The following AP3B2 variants were observed in gnomAD, a reference collection of about 807,000 sequenced individuals.
AP3B2 encodes adaptor related protein complex 3 subunit beta 2.
AP3B2 carries 50 observed loss-of-function variants against 126.9 expected under a neutral mutation model. That is an observed-to-expected ratio of 0.39 (90% confidence interval 0.31 to 0.50). The LOEUF (loss-of-function observed/expected upper bound fraction) is 0.50, where lower values mean the gene tolerates loss of function less well. AP3B2 is among the 20% of genes least tolerant of loss of function. The pLI is 0.79. For missense variants in AP3B2, 1,177 were observed against 1,426.4 expected, an observed-to-expected ratio of 0.83 and a Z score of 2.82; for synonymous variants, 541 against 565.0, an observed-to-expected ratio of 0.96 and a Z score of 0.60.
Position 82,680,867 on chromosome 15 carries a change from G to A in AP3B2, c.741C>T (p.Ala247=). The A allele has an allele frequency of 6.2e-7, 1 of 1,613,818 alleles. No individual in the cohort carries two copies. Among genetic ancestry groups the A allele is most frequent in the Non-Finnish European group, 8.5e-7 (1 of 1,179,806 alleles). Residue 247 remains alanine (A), a synonymous_variant, in exon 7 of 27, where the codon GCC becomes GCT. Transcript: ENST00000535359. This position sits in a 1 kb window ranked among gnomAD's most constrained non-coding sequence, Gnocchi z 6.1. Reference sequence around the variant, plus strand: ...GGGTGGGGCTCAGGAACTGCGTGCGGGCGTAGCGGGTGAGCATGCTGATGA... The same window carrying A: ...GGGTGGGGCTCAGGAACTGCGTGCGAGCGTAGCGGGTGAGCATGCTGATGA... ...VVIISMLTRY[A]RTQFLSPTQN...
At position 82,680,495 on chromosome 15, in the gene AP3B2, C is replaced by T. The variant is rs538786696; in HGVS notation, c.1032G>A (p.Leu344=). The T allele has an allele frequency of 2.6e-5, 39 of 1,520,590 alleles. No homozygotes were observed. Among genetic ancestry groups the T allele is most frequent in the South Asian group, 1.1e-4 (9 of 82,822 alleles). 94.2% of individuals were successfully genotyped at this position (1,520,590 alleles called of 1,614,324 possible). A position where few individuals can be genotyped will look rare whatever the true frequency, so the allele number is the denominator to read the frequency against. Reference sequence around the variant, plus strand: ...ACCTGTGGCTGCGCAGCAGGCGCACCAGCGCCTTGGCGATGACGCCCACTT... The same window carrying T: ...ACCTGTGGCTGCGCAGCAGGCGCACTAGCGCCTTGGCGATGACGCCCACTT... The part of the protein sequence containing the change: ...KAEVGVIAKA[L]VRLLRSHSEV... The change falls in exon 8 of 27, where the codon CTG becomes CTA. Residue 344 remains leucine (L), a synonymous_variant. Transcript: ENST00000535359. The surrounding 1 kb of genome is among the most constrained non-coding windows in gnomAD (Gnocchi z 6.1).
At chr15:82,702,959 T>A (rs980070669) in intron 1 of AP3B2, among the ~76,000 whole-genome samples, 12 of 152,222 alleles carry the variant, frequency 7.9e-5, no homozygotes, top group African/African-American at 2.9e-4. Flanking sequence ...CTCCAACCTC[T>A]CTCACTATCC....
chr15:82,681,325 T>C lies in AP3B2; in HGVS notation c.521+95A>G. 6.4e-7 allele frequency: 1 copy of C among 1,561,118 alleles called. No homozygotes were observed. The highest frequency in any genetic ancestry group is 2.3e-5 in the East Asian group (1 of 44,346). ...CCCAAACTACCCTCCTCAAACCCTC[T>C]GAGAAGCAGCAGGCAAGACTTAGGA... On this transcript the variant is annotated intron_variant, in intron 5 of 26. Transcript: ENST00000535359. The surrounding 1 kb of genome is among the most constrained non-coding windows in gnomAD (Gnocchi z 4.0).
At chr15:82,696,763 TG>T (rs1235794262) in intron 1 of AP3B2, among the ~76,000 whole-genome samples, 1 of 152,164 alleles carries the variant, frequency 6.6e-6, no homozygotes, top group Non-Finnish European at 1.5e-5. Context: ...CCTTGTGCAG[TG>T]AACAATGTGG....
Position 82,681,263 on chromosome 15 carries a change from C to T in AP3B2, c.522-85G>A, listed in dbSNP as rs959657590. The T allele has an allele frequency of 1.1e-5, 17 of 1,530,470 alleles. No homozygotes were observed. Among genetic ancestry groups the T allele is most frequent in the South Asian group, 4.8e-5 (4 of 83,642 alleles). 94.8% of individuals were successfully genotyped at this position (1,530,470 alleles called of 1,614,324 possible). ...GTCCAAGCCATGCTCACCTCCTGCA[C>T]CCCAGCCTTATTGTTCTCCTCCATC... On this transcript the variant is annotated intron_variant, in intron 5 of 26. Transcript: ENST00000535359. The surrounding 1 kb of genome is among the most constrained non-coding windows in gnomAD (Gnocchi z 4.0).
At chr15:82,685,626 T>G (rs777724679) in intron 4 of AP3B2, 1 of 152,242 alleles carries the variant, frequency 6.6e-6, no homozygotes, top group Non-Finnish European at 1.5e-5. Context: ...TTTCCTTTTT[T>G]GTGTGTGAGC....
rs570247908 is a variant in AP3B2 at position 82,677,617 on chromosome 15, C to T, written c.1378+54G>A. The T allele has an allele frequency of 2.7e-6, 4 of 1,486,570 alleles. No homozygotes were observed. The Admixed American group carries it at 9.0e-5, about 34-fold the overall frequency. The allele number at this position is 1,486,570 out of a possible 1,614,324, so 92.1% of individuals were successfully genotyped here. ...TATCCAGTGGCCAGCAGAGTCAGACCTGCAGGCAGACACCCTCTGATCATC... is the reference window on the plus strand; with the variant it reads ...TATCCAGTGGCCAGCAGAGTCAGACTTGCAGGCAGACACCCTCTGATCATC... On this transcript the variant is annotated intron_variant, in intron 12 of 26. Coordinates refer to ENST00000535359, the MANE Select transcript of AP3B2 (RefSeq NM_001278512.2).
In AP3B2 at chr15:82,709,608, G is replaced by A. The variant is rs1410585735; in HGVS notation, c.99C>T (p.Ser33=). The A allele has an allele frequency of 2.6e-6, 4 of 1,512,208 alleles. No individual in the cohort carries two copies. The highest frequency in any genetic ancestry group is 3.5e-6 in the Non-Finnish European group (4 of 1,131,808). The allele number at this position is 1,512,208 out of a possible 1,614,324, so 93.7% of individuals were successfully genotyped here. ...GHDPASGGIF[S]SDYKRHDDLK... The stretch of plus-strand genomic sequence containing the variant: ...GGCTCCCTCACCGCTTGTAGTCGGA[G>A]GAGAAGATGCCGCCGCTCGCGGGGT... Residue 33 remains serine (S), a synonymous_variant, in exon 1 of 27, where the codon TCC becomes TCT. Transcript: ENST00000535359.
chr15:82,663,047 C>T, intron 22 of AP3B2, 80 bp downstream of exon 22: 3 of 1,493,656 alleles, frequency 2.0e-6, no homozygotes, highest in Non-Finnish European at 2.7e-6. Context: ...ACACCCACCC[C>T]CCACACACAT....
At chr15:82,660,424 C>T (rs1291810597) in intron 25 of AP3B2, among the ~76,000 whole-genome samples, 1 of 152,204 alleles carries the variant, frequency 6.6e-6, no homozygotes, top group Admixed American at 6.5e-5. Flanking sequence ...CTGCTGTGAT[C>T]TCTCAGCCAG....
At chr15:82,663,658 G>C (rs773494405) in intron 20 of AP3B2, 38 bp from the exon 21 acceptor site, 2 of 1,613,502 alleles carry the variant, frequency 1.2e-6, no homozygotes, top group Non-Finnish European at 8.5e-7. Flanking sequence ...TGGGGAAGGG[G>C]AGCACCTTGG....
Position 82,665,689 on chromosome 15 carries a change from G to T in AP3B2, c.1853-114C>A. The T allele has an allele frequency of 1.3e-6, 1 of 746,068 alleles. No homozygotes were observed. Among genetic ancestry groups the T allele is most frequent in the Non-Finnish European group, 2.3e-6 (1 of 433,488 alleles). 46.2% of individuals were successfully genotyped at this position (746,068 alleles called of 1,614,324 possible). ...GGTTGGGACTTCCCAGGTGGGTAGG[G>T]GAAGGAGATGGATGTGTGCCCTAAT... On this transcript the variant is annotated intron_variant, in intron 15 of 26. Coordinates refer to ENST00000535359, the MANE Select transcript of AP3B2 (RefSeq NM_001278512.2). The surrounding 1 kb of genome is among the most constrained non-coding windows in gnomAD (Gnocchi z 4.4).
Position 82,663,818 on chromosome 15 carries a change from A to T in AP3B2, c.2419T>A (p.Ser807Thr). 1 of 1,613,202 alleles carries T rather than the reference A, an allele frequency of 6.2e-7. No individual in the cohort carries two copies. The highest frequency in any genetic ancestry group is 8.5e-7 in the Non-Finnish European group (1 of 1,179,472). The change falls in exon 20 of 27, where the codon TCC (serine) becomes ACC (threonine). Residue 807 changes from serine (S) to threonine (T), a missense_variant. Physicochemically the swap from Ser to Thr is moderately conservative, Grantham distance 58 (BLOSUM62 1). Around this residue, in one of 5 missense-constraint regions of AP3B2, gnomAD observed 587 missense variants for 571.3 expected, o/e 1.03. Coordinates refer to ENST00000535359, the MANE Select transcript of AP3B2 (RefSeq NM_001278512.2). ...GCTCTCACTGTTTTCCTGCTCCAGG[A>T]GGCAGGTTCTAACTGCTCCTCCTCG... Reference protein sequence around the residue: ...ESEEEQLEPASWSRKTPPSSK... With the variant: ...ESEEEQLEPATWSRKTPPSSK...
In AP3B2 at chr15:82,665,088, G is replaced by A; in HGVS notation, c.2029-145C>T. On this transcript the variant is annotated intron_variant, in intron 17 of 26. Transcript: ENST00000535359. The surrounding 1 kb of genome is among the most constrained non-coding windows in gnomAD (Gnocchi z 4.4). ...GGGAATAACAGAGGAGGAAGAAAGG[G>A]GCACTGTCCATGGAGGGGAGGGAAT... 1.9e-6 allele frequency: 2 copies of A among 1,030,882 alleles called. No homozygotes were observed. Among genetic ancestry groups the A allele is most frequent in the African/African-American group, 1.6e-5 (1 of 63,046 alleles). 63.9% of individuals were successfully genotyped at this position (1,030,882 alleles called of 1,614,324 possible). A position where few individuals can be genotyped will look rare whatever the true frequency, so the allele number is the denominator to read the frequency against.
At position 82,681,754 on chromosome 15, in the gene AP3B2, G is replaced by A. The variant is rs139131993; in HGVS notation, c.361-174C>T. Among the ~76,000 whole-genome samples the A allele has an allele frequency of 1.1e-4, 16 of 152,268 alleles. No homozygotes were observed. Among genetic ancestry groups the A allele is most frequent in the African/African-American group, 3.6e-4 (15 of 41,552 alleles). On this transcript the variant is annotated intron_variant, in intron 4 of 26. Coordinates refer to ENST00000535359, the MANE Select transcript of AP3B2 (RefSeq NM_001278512.2). The surrounding 1 kb of genome is among the most constrained non-coding windows in gnomAD (Gnocchi z 4.0). Reference sequence around the variant, plus strand: ...GGTATCTGGGGGACACTTAATTTTGGCTCTGGTTGCAGAAATCTGACACCT... The same window carrying A: ...GGTATCTGGGGGACACTTAATTTTGACTCTGGTTGCAGAAATCTGACACCT...
intron 14 of AP3B2, among the ~76,000 whole-genome samples, chr15:82,672,366 CA>C (rs1417962527): frequency 1.3e-5 from 2 of 152,130 alleles, no homozygotes; most frequent in Non-Finnish European, 2.9e-5. Context: ...CACAGAAAAA[CA>C]AACTTCACAT....
intron 1 of AP3B2, among the ~76,000 whole-genome samples, chr15:82,709,119 G>A (rs1051075910): frequency 2.0e-5 from 3 of 152,096 alleles, no homozygotes; most frequent in Admixed American, 6.5e-5. Flanking sequence ...ACCAGAGGGA[G>A]GGGAAATGAA....
chr15:82,674,528 C>T (rs73443029), intron 14 of AP3B2, among the ~76,000 whole-genome samples: 2,386 of 152,332 alleles, frequency 0.016, 59 homozygotes, highest in African/African-American at 0.055. Flanking sequence ...CCACAGCTCG[C>T]TGTGCCAACC....
In AP3B2 at chr15:82,709,836, G is replaced by C. The variant is rs781637070; in HGVS notation, c.-130C>G. The C allele has an allele frequency of 1.6e-6, 1 of 639,194 alleles. No homozygotes were observed. The highest frequency in any genetic ancestry group is 2.4e-6 in the Non-Finnish European group (1 of 413,790). 39.6% of individuals were successfully genotyped at this position (639,194 alleles called of 1,614,324 possible). On this transcript the variant is annotated 5_prime_UTR_variant, in exon 1 of 27. Transcript: ENST00000535359. Reference sequence around the variant, plus strand: ...GCGGCGCGGCAGGGGTTCAGCAGAGGCTGCAGTGTGCAGCGGCGGAGGCTG... The same window carrying C: ...GCGGCGCGGCAGGGGTTCAGCAGAGCCTGCAGTGTGCAGCGGCGGAGGCTG...
Sources: gnomAD v4.1 joint callset for allele counts (sites outside exome capture counted in the v4.1 genomes callset) on GRCh38, gnomAD v4.1.1 for gene constraint, gnomAD v4.1.1 regional missense constraint, Gnocchi (gnomAD v3.1) non-coding constraint, MANE v1.5 for transcripts, NCBI Gene and HGNC (gene_info 2026-07-23, HGNC 2026-07-21) for gene names.